Variants in KLF7 observed in about 807,000 individuals in gnomAD.
KLF7 encodes the protein Krueppel-like factor 7.
In KLF7, 2 loss-of-function variants were observed where a neutral mutation model predicts 27.3. The observed-to-expected ratio is 0.07, with a 90% CI of 0.03 to 0.23. The LOEUF (loss-of-function observed/expected upper bound fraction) is 0.23. Among genes scored for constraint, KLF7 ranks in the 10% least tolerant of loss-of-function variants. The pLI is 1.00. For missense variants in KLF7, 221 were observed against 394.1 expected, an observed-to-expected ratio of 0.56 and a Z score of 3.72; for synonymous variants, 165 against 162.4, an observed-to-expected ratio of 1.02 and a Z score of -0.12.
At chr2:207,143,293 A>C (rs1488287270) in intron 1 of KLF7, among the ~76,000 whole-genome samples, 1 of 152,144 alleles carries the variant, frequency 6.6e-6, no homozygotes, top group African/African-American at 2.4e-5. Context: ...AAATAAAAGA[A>C]ACGTCAGTTC....
intron 3 of KLF7, among the ~76,000 whole-genome samples, chr2:207,083,106 G>A (rs999544049): frequency 1.3e-5 from 2 of 152,192 alleles, no homozygotes; most frequent in Admixed American, 1.3e-4. Flanking sequence ...TAATCCCTTA[G>A]CGATGCCTCT....
At chr2:207,150,528 C>T (rs959903073) in intron 1 of KLF7, among the ~76,000 whole-genome samples, 1 of 152,210 alleles carries the variant, frequency 6.6e-6, no homozygotes, top group African/African-American at 2.4e-5. Flanking sequence ...AAAACAATTA[C>T]ACCGTACAGC....
At chr2:207,163,270 TA>T (rs1396918478) in intron 1 of KLF7, among the ~76,000 whole-genome samples, 1 of 152,204 alleles carries the variant, frequency 6.6e-6, no homozygotes, top group Non-Finnish European at 1.5e-5. Flanking sequence ...TGACGCTGAA[TA>T]AGTTGGCTAA....
rs1299827897 is a variant in KLF7, at chr2:207,079,071, TTTTTTG to T, written c.*2136_*2141del. On this transcript the variant is annotated 3_prime_UTR_variant, in exon 4 of 4. Transcript: ENST00000309446. ...TTTCGTTTTGTATTATTTTGTTTTT[TTTTTTG>T]TTTTTGTTTTTGTTTTTTTTGGTCT... is the stretch of plus-strand genomic sequence containing the variant. 2.6e-5 allele frequency: 4 copies of T among 151,804 alleles called. No individual in the cohort carries two copies. The highest frequency in any genetic ancestry group is 2.1e-4 in the South Asian group (1 of 4,832). 9.4% of individuals were successfully genotyped at this position (151,804 alleles called of 1,614,324 possible). A position where few individuals can be genotyped will look rare whatever the true frequency, so the allele number is the denominator to read the frequency against.
chr2:207,156,135 C>A (rs1233105637), intron 1 of KLF7, among the ~76,000 whole-genome samples: 1 of 152,168 alleles, frequency 6.6e-6, no homozygotes, highest in Non-Finnish European at 1.5e-5. Flanking sequence ...CCAACCATAC[C>A]CCCATCAAAG....
intron 1 of KLF7, 85 bp from the exon 2 acceptor site, chr2:207,124,489 G>A: frequency 1.5e-6 from 2 of 1,337,110 alleles, no homozygotes; most frequent in Admixed American, 2.3e-5. Flanking sequence ...AGAGGGGGAA[G>A]GTGCAGAGAG....
intron 2 of KLF7, among the ~76,000 whole-genome samples, chr2:207,116,247 T>C (rs1017980783): frequency 6.6e-6 from 1 of 152,220 alleles, no homozygotes. Flanking sequence ...ATGAAGTTTG[T>C]TTCCTGAGGA....
intron 2 of KLF7, among the ~76,000 whole-genome samples, chr2:207,106,327 C>T (rs73062797): frequency 1.3e-5 from 2 of 152,144 alleles, no homozygotes; most frequent in Non-Finnish European, 1.5e-5. Flanking sequence ...ACAACTTCTA[C>T]GAGGTTCTAC....
chr2:207,089,933 T>C lies in KLF7; in HGVS notation c.734-1352A>G, dbSNP rs140827419. Among the ~76,000 whole-genome samples the C allele has an allele frequency of 2.7e-3, 404 of 152,330 alleles. 3 individuals carry two copies. The highest frequency in any genetic ancestry group is 9.1e-3 in the African/African-American group (379 of 41,584). ...CCAGTTTTAAAAGCTAAATCTTTAC[T>C]AGGCAGCCCTGAAGGAGACATTACC... On this transcript the variant is annotated intron_variant, in intron 2 of 3. Transcript: ENST00000309446.
chr2:207,137,167 C>T (rs2077812355), intron 1 of KLF7, among the ~76,000 whole-genome samples: 1 of 151,666 alleles, frequency 6.6e-6, no homozygotes, highest in African/African-American at 2.4e-5. Flanking sequence ...CCACTTTATT[C>T]CCATTTCTGT....
chr2:207,134,498 C>T (rs1038187589), intron 1 of KLF7, among the ~76,000 whole-genome samples: 4 of 152,032 alleles, frequency 2.6e-5, no homozygotes, highest in African/African-American at 9.7e-5. Flanking sequence ...GGTGGGGGCG[C>T]TAGGAGGAAT....
intron 1 of KLF7, among the ~76,000 whole-genome samples, chr2:207,128,748 A>G (rs541528800): frequency 1.8e-4 from 27 of 152,226 alleles, no homozygotes; most frequent in Non-Finnish European, 3.2e-4. Context: ...TAATCATGAG[A>G]AAACAGACAA....
chr2:207,115,205 G>A (rs1472667519), intron 2 of KLF7, among the ~76,000 whole-genome samples: 1 of 151,374 alleles, frequency 6.6e-6, no homozygotes, highest in Non-Finnish European at 1.5e-5. Flanking sequence ...GGTATGCCAA[G>A]GAAGTTTGGT....
At chr2:207,107,701 T>C (rs1237588717) in intron 2 of KLF7, among the ~76,000 whole-genome samples, 3 of 152,200 alleles carry the variant, frequency 2.0e-5, no homozygotes, top group African/African-American at 7.2e-5. Flanking sequence ...CAGACCGCTA[T>C]CTGCCAAATG....
At chr2:207,088,114 C>G (rs2076433133) in intron 3 of KLF7, among the ~76,000 whole-genome samples, 1 of 152,166 alleles carries the variant, frequency 6.6e-6, no homozygotes, top group African/African-American at 2.4e-5. Flanking sequence ...ATACAAAGAT[C>G]AGAAGTCCCT....
chr2:207,167,090 C>G (rs2078738271), upstream of KLF7: 4 of 1,383,272 alleles, frequency 2.9e-6, no homozygotes, highest in Non-Finnish European at 3.8e-6. Flanking sequence ...ACGTGGGGCG[C>G]AAGCTGGAGC....
At chr2:207,109,692 TG>T (rs1237305609) in intron 2 of KLF7, among the ~76,000 whole-genome samples, 33 of 152,346 alleles carry the variant, frequency 2.2e-4, no homozygotes, top group African/African-American at 7.9e-4. Flanking sequence ...CTCCCAAAGC[TG>T]ATCTGAGTAG....
At chr2:207,146,959 T>C (rs1399042527) in intron 1 of KLF7, among the ~76,000 whole-genome samples, 3 of 152,152 alleles carry the variant, frequency 2.0e-5, no homozygotes, top group Non-Finnish European at 4.4e-5. Context: ...AGTCAGCCCA[T>C]GGGCTAGAAG....
chr2:207,088,078 G>C (rs748170194), intron 3 of KLF7, among the ~76,000 whole-genome samples: 1 of 152,158 alleles, frequency 6.6e-6, no homozygotes, highest in Non-Finnish European at 1.5e-5. Context: ...TATTACTATA[G>C]ATGAGGGAAA....
Sources: gnomAD v4.1 joint callset for allele counts (sites outside exome capture counted in the v4.1 genomes callset) on GRCh38, gnomAD v4.1.1 for gene constraint, MANE v1.5 for transcripts, NCBI Gene and HGNC (gene_info 2026-07-23, HGNC 2026-07-21) for gene names.